Variants in TNFRSF19 observed in about 807,000 individuals in gnomAD.
The protein encoded by TNFRSF19 is tumor necrosis factor receptor superfamily member 19.
In TNFRSF19, 27 loss-of-function variants were observed where a neutral mutation model predicts 46.4. The ratio of observed to expected loss-of-function variants is 0.58; its 90% CI spans 0.43 to 0.80. The LOEUF (loss-of-function observed/expected upper bound fraction) is 0.80. Ranked by LOEUF, TNFRSF19 falls within the 30% of genes least tolerant of loss-of-function variation. TNFRSF19 has a pLI of 0.00. For missense variants in TNFRSF19, 511 were observed against 530.8 expected (o/e 0.96, Z 0.37); for synonymous variants, 204 against 205.0 (o/e 1.00, Z 0.04).
At chr13:23,655,767 T>G (rs1320041516) in intron 5 of TNFRSF19, among the ~76,000 whole-genome samples, 1 of 149,568 alleles carries the variant, frequency 6.7e-6, no homozygotes, top group African/African-American at 2.5e-5. Context: ...GGTTTTGTTT[T>G]GTTTTTGTTT....
intron 1 of TNFRSF19, among the ~76,000 whole-genome samples, chr13:23,575,517 A>G (rs1037196170): frequency 6.6e-6 from 1 of 152,184 alleles, no homozygotes; most frequent in African/African-American, 2.4e-5. Flanking sequence ...CTGATAGTCT[A>G]TAATTGGCAG....
chr13:23,571,067 A>G (rs1177315571), intron 1 of TNFRSF19, among the ~76,000 whole-genome samples: 1 of 152,224 alleles, frequency 6.6e-6, no homozygotes, highest in African/African-American at 2.4e-5. Context: ...GAGGGTTTGC[A>G]GTCTGTCATA....
intron 1 of TNFRSF19, among the ~76,000 whole-genome samples, chr13:23,573,301 T>C (rs193206171): frequency 6.6e-6 from 1 of 152,300 alleles, no homozygotes; most frequent in Admixed American, 6.5e-5. Context: ...ATGATAGATA[T>C]GTCAGTCAGC....
At chr13:23,590,085 A>T in intron 1 of TNFRSF19, 65 bp from the exon 2 acceptor site, 1 of 740,548 alleles carries the variant, frequency 1.4e-6, no homozygotes, top group African/African-American at 1.8e-5. Flanking sequence ...TAGATATTAT[A>T]TAGTAAACAA....
chr13:23,663,832 A>G (rs1430017141), intron 7 of TNFRSF19, among the ~76,000 whole-genome samples: 1 of 151,820 alleles, frequency 6.6e-6, no homozygotes. Context: ...GGCTATTTTT[A>G]TTTCTGTGGG....
intron 7 of TNFRSF19, among the ~76,000 whole-genome samples, chr13:23,664,974 A>G (rs1951597210): frequency 6.6e-6 from 1 of 152,242 alleles, no homozygotes; most frequent in Non-Finnish European, 1.5e-5. Context: ...AAATATTGCT[A>G]TGCAGCATAT....
At chr13:23,615,436 C>T (rs541754992) in intron 3 of TNFRSF19, among the ~76,000 whole-genome samples, 16 of 152,206 alleles carry the variant, frequency 1.1e-4, no homozygotes, top group Non-Finnish European at 2.4e-4. Context: ...ATTTCTTATG[C>T]ACTTATCCTC....
chr13:23,626,187 C>G (rs943048274), intron 4 of TNFRSF19, among the ~76,000 whole-genome samples: 66 of 145,566 alleles, frequency 4.5e-4, no homozygotes, highest in African/African-American at 1.4e-3. Flanking sequence ...TCTTTAAAAT[C>G]TGTGTGTGTG....
intron 5 of TNFRSF19, among the ~76,000 whole-genome samples, chr13:23,651,893 TAAAA>T (rs34023907): frequency 2.0e-4 from 2 of 9,966 alleles, no homozygotes; most frequent in African/African-American, 7.0e-4. Flanking sequence ...CATAACATGC[TAAAA>T]AAAAAAAAAA....
At chr13:23,640,346 G>A (rs947280297) in intron 5 of TNFRSF19, among the ~76,000 whole-genome samples, 23 of 152,294 alleles carry the variant, frequency 1.5e-4, no homozygotes, top group Middle Eastern at 3.4e-3. Flanking sequence ...GTGTTGATGA[G>A]AATCATTAGA....
intron 2 of TNFRSF19, among the ~76,000 whole-genome samples, chr13:23,590,457 C>T (rs1879188339): frequency 6.6e-6 from 1 of 152,172 alleles, no homozygotes. Flanking sequence ...GCCTCAGCCT[C>T]CCGAGTCACT....
intron 3 of TNFRSF19, among the ~76,000 whole-genome samples, chr13:23,612,081 G>A (rs1338449139): frequency 6.6e-6 from 1 of 152,166 alleles, no homozygotes; most frequent in Non-Finnish European, 1.5e-5. Flanking sequence ...GATTATTTTT[G>A]TTAAATCTCA....
At chr13:23,615,442 T>C (rs1443761189) in intron 3 of TNFRSF19, among the ~76,000 whole-genome samples, 1 of 152,236 alleles carries the variant, frequency 6.6e-6, no homozygotes, top group Admixed American at 6.5e-5. Flanking sequence ...TATGCACTTA[T>C]CCTCATTTTT....
intron 3 of TNFRSF19, among the ~76,000 whole-genome samples, chr13:23,605,726 T>C (rs944663931): frequency 2.0e-5 from 3 of 152,186 alleles, no homozygotes; most frequent in Non-Finnish European, 4.4e-5. Context: ...GCTTCCTGTA[T>C]GATTCCAACT....
chr13:23,599,543 G>T (rs1274493638), intron 3 of TNFRSF19, among the ~76,000 whole-genome samples: 1 of 152,162 alleles, frequency 6.6e-6, no homozygotes, highest in East Asian at 1.9e-4. Flanking sequence ...GGTAGGGGAA[G>T]GGGGATTCCA....
At chr13:23,622,273 TA>T (rs5802244) in intron 4 of TNFRSF19, among the ~76,000 whole-genome samples, 82,123 of 151,094 alleles carry the variant, frequency 0.54, 23,134 homozygotes, top group Middle Eastern at 0.62. Context: ...CTGGGCATGG[TA>T]AACGGGTGCC....
intron 4 of TNFRSF19, among the ~76,000 whole-genome samples, chr13:23,619,951 A>G (rs1881544907): frequency 6.6e-6 from 1 of 152,208 alleles, no homozygotes; most frequent in Non-Finnish European, 1.5e-5. Flanking sequence ...ATTTGAGCCC[A>G]CTGCTCTAGT....
intron 3 of TNFRSF19, among the ~76,000 whole-genome samples, chr13:23,605,457 A>G (rs36103054): frequency 0.01 from 1,532 of 152,120 alleles, 31 homozygotes; most frequent in African/African-American, 0.035. Context: ...CAATTGAGCT[A>G]CTTAGTATTT....
intron 5 of TNFRSF19, among the ~76,000 whole-genome samples, chr13:23,643,505 G>GT (rs1883144495): frequency 6.6e-6 from 1 of 152,210 alleles, no homozygotes; most frequent in Non-Finnish European, 1.5e-5. Context: ...AGTGACTCTT[G>GT]TAAGAACTTG....
Sources: gnomAD v4.1 joint callset for allele counts (sites outside exome capture counted in the v4.1 genomes callset) on GRCh38, gnomAD v4.1.1 for gene constraint, MANE v1.5 for transcripts, NCBI Gene and HGNC (gene_info 2026-07-23, HGNC 2026-07-21) for gene names.